Variants in SLC24A2 observed in about 807,000 individuals in gnomAD.
SLC24A2 encodes the protein sodium/potassium/calcium exchanger 2.
A neutral mutation model predicts 62.0 loss-of-function variants in SLC24A2; 36 were observed. The ratio of observed to expected loss-of-function variants is 0.58; its 90% CI spans 0.44 to 0.77. The LOEUF is 0.77. SLC24A2 is among the 30% of genes least tolerant of loss of function. SLC24A2 has a pLI of 0.00. For missense variants in SLC24A2, 846 were observed against 817.9 expected (o/e 1.03, Z -0.42); for synonymous variants, 358 against 294.0 (o/e 1.22, Z -2.23).
the SLC24A2 span, among the ~76,000 whole-genome samples, chr9:19,922,884 A>C: frequency 6.6e-6 from 1 of 151,670 alleles, no homozygotes; most frequent in South Asian, 2.1e-4. Flanking sequence ...TTAGATATTA[A>C]CTTTTAAATA....
chr9:19,878,663 A>G, the SLC24A2 span, among the ~76,000 whole-genome samples: 1 of 151,524 alleles, frequency 6.6e-6, no homozygotes, highest in East Asian at 2.0e-4. Flanking sequence ...ACCTCCTCCT[A>G]TCTCTCTCTT....
At chr9:19,553,535 T>A (rs909631528) in intron 7 of SLC24A2, among the ~76,000 whole-genome samples, 1 of 152,286 alleles carries the variant, frequency 6.6e-6, no homozygotes, top group East Asian at 1.9e-4. Context: ...ATATGAAAAA[T>A]CTGACACAAA....
rs1299173581 is a variant in SLC24A2, at chr9:19,510,650, C to T, written c.*5503G>A. ...AATGGAATTAAATCTTTGGTGGAAG[C>T]CTAGGCAAACTCCATGGCATTCTTT... On this transcript the variant is annotated 3_prime_UTR_variant, in exon 11 of 11. Coordinates refer to ENST00000341998, the MANE Select transcript of SLC24A2 (RefSeq NM_020344.4). The T allele has an allele frequency of 6.6e-6, 1 of 152,086 alleles. No individual in the cohort carries two copies. The highest frequency in any genetic ancestry group is 1.9e-4 in the East Asian group (1 of 5,186). The allele number at this position is 152,086 out of a possible 1,614,324, so 9.4% of individuals were successfully genotyped here.
At chr9:19,820,015 A>G in the SLC24A2 span, among the ~76,000 whole-genome samples, 7 of 105,042 alleles carry the variant, frequency 6.7e-5, no homozygotes, top group Non-Finnish European at 1.2e-4. Flanking sequence ...ATGTGTATAT[A>G]TATATATATA....
At chr9:20,186,021 A>C in the SLC24A2 span, among the ~76,000 whole-genome samples, 1 of 152,056 alleles carries the variant, frequency 6.6e-6, no homozygotes, top group Non-Finnish European at 1.5e-5. Context: ...TGGTCAATTA[A>C]AATACATGTA....
the SLC24A2 span, among the ~76,000 whole-genome samples, chr9:20,128,244 A>T: frequency 6.6e-6 from 1 of 152,170 alleles, no homozygotes; most frequent in African/African-American, 2.4e-5. Context: ...TCTGTCCATC[A>T]TTTAATTTTT....
intron 8 of SLC24A2, among the ~76,000 whole-genome samples, chr9:19,546,622 TC>T (rs2132729722): frequency 6.6e-6 from 1 of 152,234 alleles, no homozygotes; most frequent in East Asian, 1.9e-4. Context: ...CTTGCTGGAC[TC>T]CGTGGGGGTT....
At chr9:19,947,848 G>GAAAGAAAGAAAGAAAGAAAGAA in the SLC24A2 span, among the ~76,000 whole-genome samples, 2 of 145,340 alleles carry the variant, frequency 1.4e-5, no homozygotes, top group Admixed American at 1.4e-4. Context: ...AAGAAAGAAA[G>GAAAGAAAGAAAGAAAGAAAGAA]AAATTAGTTC....
At chr9:20,002,651 G>C in the SLC24A2 span, among the ~76,000 whole-genome samples, 1 of 152,158 alleles carries the variant, frequency 6.6e-6, no homozygotes, top group African/African-American at 2.4e-5. Flanking sequence ...CCACAGATGG[G>C]ACAGGTAAAT....
At chr9:19,888,372 T>C in the SLC24A2 span, among the ~76,000 whole-genome samples, 1 of 152,206 alleles carries the variant, frequency 6.6e-6, no homozygotes, top group Non-Finnish European at 1.5e-5. Flanking sequence ...TCTAATTTTC[T>C]GACCCTTTTG....
chr9:19,855,991 T>A, the SLC24A2 span, among the ~76,000 whole-genome samples: 1 of 145,008 alleles, frequency 6.9e-6, no homozygotes, highest in East Asian at 1.9e-4. Flanking sequence ...TTCCTTTTCA[T>A]TTTTTTTCTC....
intron 2 of SLC24A2, among the ~76,000 whole-genome samples, chr9:19,656,284 A>G (rs1818939867): frequency 1.3e-5 from 2 of 152,202 alleles, no homozygotes; most frequent in South Asian, 4.1e-4. Context: ...ACTAAAAACT[A>G]ATACCTGGGA....
At chr9:19,932,243 G>A in the SLC24A2 span, among the ~76,000 whole-genome samples, 33 of 152,318 alleles carry the variant, frequency 2.2e-4, 1 homozygote, top group East Asian at 5.6e-3. Flanking sequence ...TTTCTTAGGT[G>A]AGAGTGTGTT....
the SLC24A2 span, among the ~76,000 whole-genome samples, chr9:20,116,688 T>C: frequency 5.3e-5 from 8 of 152,146 alleles, no homozygotes; most frequent in Non-Finnish European, 1.2e-4. Context: ...AAAAATTCAA[T>C]GCATACTTAT....
the SLC24A2 span, among the ~76,000 whole-genome samples, chr9:20,146,641 T>C: frequency 1.2e-4 from 18 of 152,022 alleles, no homozygotes; most frequent in Non-Finnish European, 2.1e-4. Flanking sequence ...AGTGGTAAAA[T>C]TGGTTTTTAA....
chr9:19,866,826 G>A, the SLC24A2 span, among the ~76,000 whole-genome samples: 1 of 151,560 alleles, frequency 6.6e-6, no homozygotes, highest in African/African-American at 2.4e-5. Flanking sequence ...TAGTAGAGAC[G>A]GGGTCACTTA....
At chr9:19,828,680 G>T in the SLC24A2 span, among the ~76,000 whole-genome samples, 2 of 152,074 alleles carry the variant, frequency 1.3e-5, no homozygotes, top group Admixed American at 6.6e-5. Flanking sequence ...ATAAAATCTG[G>T]TGGCAGTGCA....
At chr9:20,030,738 G>A in the SLC24A2 span, among the ~76,000 whole-genome samples, 2 of 152,064 alleles carry the variant, frequency 1.3e-5, no homozygotes, top group Admixed American at 1.3e-4. Flanking sequence ...TTATGAAGTG[G>A]GTATAACCAT....
chr9:19,886,837 T>C, the SLC24A2 span, among the ~76,000 whole-genome samples: 1 of 152,124 alleles, frequency 6.6e-6, no homozygotes, highest in Admixed American at 6.5e-5. Flanking sequence ...ATGAATAAAA[T>C]GTGGTACATA....
Sources: allele counts gnomAD v4.1 joint callset (sites outside exome capture counted in the v4.1 genomes callset), GRCh38; gene constraint gnomAD v4.1.1; transcripts MANE v1.5; gene names NCBI Gene and HGNC (gene_info 2026-07-23, HGNC 2026-07-21).